The following NAALADL2 variants were observed in gnomAD, a reference collection of about 807,000 sequenced individuals.
The protein encoded by NAALADL2 is N-acetylated alpha-linked acidic dipeptidase like 2.
Under a neutral mutation model 87.2 loss-of-function variants are expected in NAALADL2, and 76 were observed. That is an observed-to-expected ratio of 0.87 (90% confidence interval 0.72 to 1.05). The LOEUF is 1.05. Ranked by LOEUF, NAALADL2 falls within the 50% of genes least tolerant of loss-of-function variation. The pLI, the probability that NAALADL2 is intolerant of heterozygous loss-of-function variation, is 0.00. For missense variants in NAALADL2, 1,089 were observed against 945.8 expected, an observed-to-expected ratio of 1.15 and a Z score of -1.99; for synonymous variants, 354 against 331.0, an observed-to-expected ratio of 1.07 and a Z score of -0.75.
At chr3:175,134,951 A>T (rs929292656) in intron 2 of NAALADL2, among the ~76,000 whole-genome samples, 1 of 152,208 alleles carries the variant, frequency 6.6e-6, no homozygotes, top group East Asian at 1.9e-4. Flanking sequence ...TATCAAATAT[A>T]TCCACATAGA....
At chr3:174,852,765 G>T (rs1253517996) in intron 3 of NAALADL2, among the ~76,000 whole-genome samples, 6 of 152,018 alleles carry the variant, frequency 3.9e-5, no homozygotes, top group Admixed American at 3.9e-4. Context: ...AAGCTATCCT[G>T]ATCAGAAAGA....
chr3:175,729,708 G>T (rs1018164949), intron 11 of NAALADL2, among the ~76,000 whole-genome samples: 4 of 151,412 alleles, frequency 2.6e-5, no homozygotes, highest in Non-Finnish European at 5.9e-5. Flanking sequence ...TTTGAGGGCT[G>T]CCAGATTCGC....
intron 9 of NAALADL2, among the ~76,000 whole-genome samples, chr3:175,514,104 G>A (rs193114878): frequency 2.0e-5 from 3 of 152,274 alleles, no homozygotes; most frequent in Admixed American, 2.0e-4. Flanking sequence ...GGTAACTTTG[G>A]GTTGTATAGG....
At chr3:175,389,779 A>G (rs2149015237) in intron 5 of NAALADL2, among the ~76,000 whole-genome samples, 1 of 152,286 alleles carries the variant, frequency 6.6e-6, no homozygotes, top group East Asian at 1.9e-4. Flanking sequence ...CAGGTCAAAG[A>G]GGAGGCTTTG....
chr3:174,937,707 A>G (rs1379301747), intron 1 of NAALADL2, among the ~76,000 whole-genome samples: 4 of 152,044 alleles, frequency 2.6e-5, no homozygotes, highest in African/African-American at 7.2e-5. Flanking sequence ...TATGATTTCT[A>G]TCTGAAGGCT....
intron 2 of NAALADL2, among the ~76,000 whole-genome samples, chr3:174,653,653 T>C (rs565810127): frequency 3.9e-5 from 6 of 152,130 alleles, no homozygotes; most frequent in African/African-American, 1.4e-4. Flanking sequence ...AATTCTTGAA[T>C]TAATAATAGG....
intron 11 of NAALADL2, among the ~76,000 whole-genome samples, chr3:175,671,576 G>A (rs1560951146): frequency 6.6e-6 from 1 of 152,040 alleles, no homozygotes; most frequent in East Asian, 1.9e-4. Context: ...AATCATAGGT[G>A]AGCCTATTCT....
At chr3:175,460,655 C>T (rs1237276552) in intron 6 of NAALADL2, among the ~76,000 whole-genome samples, 1 of 151,948 alleles carries the variant, frequency 6.6e-6, no homozygotes, top group South Asian at 2.1e-4. Flanking sequence ...AAAATATAAC[C>T]AAATATACAA....
intron 5 of NAALADL2, among the ~76,000 whole-genome samples, chr3:175,324,748 G>C (rs1760471238): frequency 6.6e-6 from 1 of 152,144 alleles, no homozygotes; most frequent in Admixed American, 6.6e-5. Flanking sequence ...ATCAAGTTAG[G>C]TGAGTAAAGT....
At chr3:175,446,127 T>C (rs1162707396) in intron 5 of NAALADL2, among the ~76,000 whole-genome samples, 1 of 152,168 alleles carries the variant, frequency 6.6e-6, no homozygotes, top group African/African-American at 2.4e-5. Context: ...AGATATTTTC[T>C]ATTGATCTCA....
chr3:174,474,923 T>C (rs1717121066), intron 1 of NAALADL2, among the ~76,000 whole-genome samples: 1 of 152,070 alleles, frequency 6.6e-6, no homozygotes, highest in African/African-American at 2.4e-5. Context: ...CTCTTGTTAG[T>C]CATTCTTAAT....
At position 174,622,876 on chromosome 3, in the gene NAALADL2, TA is replaced by T. The variant is rs112394018; in HGVS notation, c.-115+72246del. ...TAACTTGGTGAAACCCCGCCTCTAC[TA>T]AAAAAAGTACAAAAAATTAGCCAGG... On this transcript the variant is annotated intron_variant, in intron 2 of 3. Transcript: ENST00000434257. Among the ~76,000 whole-genome samples, 686 of 152,134 alleles carry T rather than the reference TA, an allele frequency of 4.5e-3. 4 individuals are homozygous for T. Among genetic ancestry groups the T allele is most frequent in the African/African-American group, 0.016 (666 of 41,522 alleles).
At chr3:174,962,157 C>G (rs984593014) in intron 1 of NAALADL2, among the ~76,000 whole-genome samples, 10 of 151,620 alleles carry the variant, frequency 6.6e-5, no homozygotes, top group African/African-American at 2.4e-4. Flanking sequence ...TCGCCAACAG[C>G]CAGGTGCTGT....
intron 5 of NAALADL2, among the ~76,000 whole-genome samples, chr3:175,415,750 CTG>C (rs1714507538): frequency 6.6e-6 from 1 of 151,412 alleles, no homozygotes; most frequent in Admixed American, 6.6e-5. Flanking sequence ...TTATAAGTAA[CTG>C]TAAGTCTTCT....
intron 1 of NAALADL2, among the ~76,000 whole-genome samples, chr3:174,888,868 C>T (rs891000809): frequency 6.6e-6 from 1 of 152,108 alleles, no homozygotes; most frequent in African/African-American, 2.4e-5. Context: ...AACTGCAAAC[C>T]ACAAGTTATT....
At chr3:174,853,314 G>C (rs1282709997) in intron 3 of NAALADL2, among the ~76,000 whole-genome samples, 1 of 147,294 alleles carries the variant, frequency 6.8e-6, no homozygotes, top group Non-Finnish European at 1.5e-5. Context: ...GGAGGAAGAG[G>C]CTGCAGTGAG....
chr3:175,778,773 G>A (rs1175833111), intron 13 of NAALADL2, among the ~76,000 whole-genome samples: 2 of 152,132 alleles, frequency 1.3e-5, no homozygotes, highest in Non-Finnish European at 2.9e-5. Flanking sequence ...TCTAGATCAT[G>A]GAGAGAGAGA....
intron 2 of NAALADL2, among the ~76,000 whole-genome samples, chr3:174,556,351 AAGT>A (rs972655614): frequency 5.3e-5 from 8 of 152,148 alleles, no homozygotes. Context: ...CATCTTTAGC[AAGT>A]ATGTGTAGCA....
At chr3:175,648,560 G>T (rs1477642930) in intron 11 of NAALADL2, among the ~76,000 whole-genome samples, 2 of 130,344 alleles carry the variant, frequency 1.5e-5, no homozygotes, top group African/African-American at 2.9e-5. Context: ...CTTTAATTTT[G>T]AATATGTGCC....
Sources: gnomAD v4.1 joint callset for allele counts (sites outside exome capture counted in the v4.1 genomes callset) on GRCh38, gnomAD v4.1.1 for gene constraint, MANE v1.5 for transcripts, NCBI Gene and HGNC (gene_info 2026-07-23, HGNC 2026-07-21) for gene names.